Variants in NBEA observed in about 807,000 individuals in gnomAD.
NBEA encodes neurobeachin, also known as lysosomal-trafficking regulator 2.
Under a neutral mutation model 343.4 loss-of-function variants are expected in NBEA, and 44 were observed. The observed-to-expected ratio is 0.13, with a 90% CI of 0.10 to 0.16. The LOEUF is 0.16. Ranked by LOEUF, NBEA falls within the 10% of genes least tolerant of loss-of-function variation. The pLI is 1.00. For synonymous variants in NBEA, 1,175 were observed against 1,238.7 expected, an observed-to-expected ratio of 0.95 and a Z score of 1.08; for missense variants, 2,555 against 3,631.3, an observed-to-expected ratio of 0.70 and a Z score of 7.62.
rs140966254 is a variant in NBEA at position 35,187,154 on chromosome 13, ATAAAAG to A, written c.4927+3088_4927+3093del. Among the ~76,000 whole-genome samples, 1,065 of 152,132 alleles carry A rather than the reference ATAAAAG, an allele frequency of 7.0e-3. 44 individuals are homozygous for A. In the East Asian group the frequency reaches 0.12, roughly 17 times the overall value. On this transcript the variant is annotated intron_variant, in intron 30 of 58. Coordinates refer to ENST00000379939, the MANE Select transcript of NBEA (RefSeq NM_001385012.1). ...TGTCAGCGAATGATGGATTTAGGAC[ATAAAAG>A]TAAATTTTCACAAATAGTTTGAGAA...
chr13:35,271,433 A>T (rs1218436123), intron 34 of NBEA, among the ~76,000 whole-genome samples: 1 of 152,196 alleles, frequency 6.6e-6, no homozygotes, highest in African/African-American at 2.4e-5. Context: ...AATTCCAAAA[A>T]TCAGAATGCC....
chr13:35,040,981 G>A lies in NBEA; in HGVS notation c.343G>A (p.Ala115Thr), dbSNP rs1232068712. The A allele has an allele frequency of 6.2e-7, 1 of 1,613,098 alleles. No individual in the cohort carries two copies. The highest frequency in any genetic ancestry group is 1.3e-5 in the African/African-American group (1 of 74,870). The change falls in exon 2 of 59, where the codon GCT becomes ACT. Residue 115 changes from alanine (A) to threonine (T), a missense_variant. Ala to Thr is a moderately conservative substitution (Grantham distance 58). This residue lies in a region of NBEA where 185 missense variants were observed against 290.6 expected (regional missense o/e 0.64). Coordinates refer to ENST00000379939, the MANE Select transcript of NBEA (RefSeq NM_001385012.1). ...GGAGATGAACTTTATTATCCAGGATGCTGAGAGTATAACATGTATGACAGA... is the reference window on the plus strand; with the variant it reads ...GGAGATGAACTTTATTATCCAGGATACTGAGAGTATAACATGTATGACAGA... ...DLEMNFIIQD[A>T]ESITCMTELL...
intron 31 of NBEA, among the ~76,000 whole-genome samples, chr13:35,199,762 C>A (rs535972606): frequency 6.6e-6 from 1 of 152,012 alleles, no homozygotes; most frequent in Non-Finnish European, 1.5e-5. Context: ...ATTGCAACAT[C>A]AAATTCTTAG....
chr13:35,241,948 A>G (rs558661995), intron 34 of NBEA, among the ~76,000 whole-genome samples: 143 of 152,044 alleles, frequency 9.4e-4, no homozygotes, highest in African/African-American at 3.3e-3. Flanking sequence ...CATTCTCACT[A>G]AAGACTGAGA....
intron 38 of NBEA, among the ~76,000 whole-genome samples, chr13:35,420,522 C>T (rs1258810190): frequency 6.6e-6 from 1 of 151,794 alleles, no homozygotes; most frequent in Non-Finnish European, 1.5e-5. Context: ...GTGATGTTAG[C>T]TATAATAATT....
intron 34 of NBEA, among the ~76,000 whole-genome samples, chr13:35,272,172 A>G (rs576091028): frequency 1.3e-5 from 2 of 152,332 alleles, no homozygotes; most frequent in South Asian, 4.1e-4. Context: ...CAGAAACCCT[A>G]CAAGCCAGAA....
At chr13:35,628,417 C>T (rs2083316654) in intron 49 of NBEA, among the ~76,000 whole-genome samples, 169 bp downstream of exon 49, 1 of 152,158 alleles carries the variant, frequency 6.6e-6, no homozygotes, top group African/African-American at 2.4e-5. Flanking sequence ...ACAAGTAATG[C>T]AACCAGTATG....
chr13:35,487,281 A>T (rs931386953), intron 41 of NBEA, among the ~76,000 whole-genome samples: 1 of 152,002 alleles, frequency 6.6e-6, no homozygotes, highest in Non-Finnish European at 1.5e-5. Flanking sequence ...TGTACTGATT[A>T]GTAGAATTAT....
At chr13:35,031,272 A>G (rs555805889) in intron 1 of NBEA, among the ~76,000 whole-genome samples, 2 of 151,822 alleles carry the variant, frequency 1.3e-5, no homozygotes, top group East Asian at 3.9e-4. Context: ...GATTCACAGT[A>G]GTGACAGACT....
intron 17 of NBEA, among the ~76,000 whole-genome samples, chr13:35,133,689 G>C (rs964542000): frequency 1.3e-5 from 2 of 151,970 alleles, no homozygotes; most frequent in Non-Finnish European, 1.5e-5. Flanking sequence ...GCAAGTTGCA[G>C]AAGGATACAT....
chr13:35,575,734 C>T (rs1329128419), intron 45 of NBEA, among the ~76,000 whole-genome samples: 1 of 152,034 alleles, frequency 6.6e-6, no homozygotes, highest in Non-Finnish European at 1.5e-5. Flanking sequence ...TAACACTGTG[C>T]CTATAATCAA....
At chr13:35,240,133 G>T (rs767095160) in intron 34 of NBEA, among the ~76,000 whole-genome samples, 2 of 151,616 alleles carry the variant, frequency 1.3e-5, no homozygotes, top group Non-Finnish European at 3.0e-5. Context: ...CTATGTATTC[G>T]TAATGATAAT....
At chr13:35,118,153 G>C in intron 14 of NBEA, 75 bp from the exon 15 acceptor site, 2 of 980,758 alleles carry the variant, frequency 2.0e-6, no homozygotes, top group Non-Finnish European at 2.9e-6. Context: ...CTTTTACAAT[G>C]ATTATTTTGA....
chr13:35,129,471 T>A (rs61228665), intron 17 of NBEA, among the ~76,000 whole-genome samples: 5,611 of 152,000 alleles, frequency 0.037, 161 homozygotes, highest in African/African-American at 0.076. Context: ...TGTGAAAATG[T>A]AAAGGTAGTA....
At chr13:35,376,455 T>A (rs987598199) in intron 38 of NBEA, among the ~76,000 whole-genome samples, 3 of 152,108 alleles carry the variant, frequency 2.0e-5, no homozygotes, top group African/African-American at 7.3e-5. Context: ...AACTAAAATA[T>A]AATTATAGTG....
chr13:34,960,332 CAAA>C (rs2059622266), intron 1 of NBEA, among the ~76,000 whole-genome samples: 2 of 151,616 alleles, frequency 1.3e-5, no homozygotes, highest in South Asian at 4.2e-4. Flanking sequence ...TTATAAAAGT[CAAA>C]AAGTTAAAAA....
intron 41 of NBEA, among the ~76,000 whole-genome samples, chr13:35,533,744 A>G (rs12873570): frequency 0.22 from 33,164 of 152,088 alleles, 4,385 homozygotes; most frequent in East Asian, 0.49. Context: ...TGTCTCTAGT[A>G]TATATTTTTA....
chr13:35,032,060 T>C (rs578203478), intron 1 of NBEA, among the ~76,000 whole-genome samples: 8 of 151,900 alleles, frequency 5.3e-5, no homozygotes, highest in African/African-American at 1.9e-4. Context: ...TTGATGGGCA[T>C]TTAGGTTGAT....
chr13:35,475,471 C>T, intron 41 of NBEA: 2 of 1,612,690 alleles, frequency 1.2e-6, no homozygotes, highest in Non-Finnish European at 1.7e-6. Context: ...CTCCGCCGAG[C>T]TCTGCTTGCC....
Sources: gnomAD v4.1 joint callset for allele counts (sites outside exome capture counted in the v4.1 genomes callset) on GRCh38, gnomAD v4.1.1 for gene constraint, gnomAD v4.1.1 regional missense constraint, MANE v1.5 for transcripts, NCBI Gene and HGNC (gene_info 2026-07-23, HGNC 2026-07-21) for gene names.